SCAF8: variants seen among roughly 807,000 people sequenced by gnomAD.
SCAF8 encodes the protein SR-related CTD associated factor 8.
A neutral mutation model predicts 140.5 loss-of-function variants in SCAF8; 23 were observed. That is an observed-to-expected ratio of 0.16 (90% CI 0.12 to 0.23). The LOEUF (loss-of-function observed/expected upper bound fraction) is 0.23. Ranked by LOEUF, SCAF8 falls within the 10% of genes least tolerant of loss-of-function variation. SCAF8 has a pLI of 1.00. For synonymous variants in SCAF8, 575 were observed against 528.9 expected (o/e 1.09, Z -1.20); for missense variants, 1,397 against 1,555.7 (o/e 0.90, Z 1.72).
rs117596606 is a variant in SCAF8, at chr6:154,825,852, G to A, written c.2072-1320G>A. Among the ~76,000 whole-genome samples, 329 of 151,978 alleles carry A rather than the reference G, an allele frequency of 2.2e-3. 2 individuals are homozygous for A. The highest frequency in any genetic ancestry group is 4.0e-3 in the Non-Finnish European group (269 of 67,970). On this transcript the variant is annotated intron_variant, in intron 17 of 19. Transcript: ENST00000367178. ...TTAAACTATATAAGCAATTATATACGCATATTGATGAGATACGCATTTAAG... is the reference window on the plus strand; with the variant it reads ...TTAAACTATATAAGCAATTATATACACATATTGATGAGATACGCATTTAAG...
At chr6:154,737,983 G>A (rs1297291144) in intron 1 of SCAF8, among the ~76,000 whole-genome samples, 1 of 152,070 alleles carries the variant, frequency 6.6e-6, no homozygotes, top group African/African-American at 2.4e-5. Flanking sequence ...TTAATTTTGT[G>A]GAGATCATTG....
chr6:154,733,657 C>T lies in SCAF8; in HGVS notation c.-244C>T. The T allele has an allele frequency of 7.8e-7, 1 of 1,277,696 alleles. No homozygotes were observed. The highest frequency in any genetic ancestry group is 9.9e-7 in the Non-Finnish European group (1 of 1,014,892). 79.1% of individuals were successfully genotyped at this position (1,277,696 alleles called of 1,614,324 possible). A position where few individuals can be genotyped will look rare whatever the true frequency, so the allele number is the denominator to read the frequency against. ...GCCCGCCGCCGACCCGCCCCGGCAGCGCCTCTGTTCCCTAGAACGGCGCTC... is the reference window on the plus strand; with the variant it reads ...GCCCGCCGCCGACCCGCCCCGGCAGTGCCTCTGTTCCCTAGAACGGCGCTC... On this transcript the variant is annotated 5_prime_UTR_variant, in exon 1 of 20. Transcript: ENST00000367178.
At chr6:154,740,141 TA>T (rs1778530234) in intron 1 of SCAF8, among the ~76,000 whole-genome samples, 1 of 152,150 alleles carries the variant, frequency 6.6e-6, no homozygotes, top group South Asian at 2.1e-4. Flanking sequence ...GCATATTAAT[TA>T]GTATTATAAA....
intron 1 of SCAF8, chr6:154,742,034 C>G (rs1244706700): frequency 6.6e-7 from 1 of 1,516,146 alleles, no homozygotes; most frequent in Non-Finnish European, 8.9e-7. Flanking sequence ...ATGATGATAA[C>G]CCACATAAGG....
At chr6:154,740,306 A>T (rs1255221600) in intron 1 of SCAF8, among the ~76,000 whole-genome samples, 2 of 152,192 alleles carry the variant, frequency 1.3e-5, no homozygotes, top group Non-Finnish European at 2.9e-5. Context: ...GCCTCTATGC[A>T]TTAGATGCCA....
chr6:154,827,113 T>C, intron 17 of SCAF8, 59 bp from the exon 18 acceptor site: 1 of 1,357,660 alleles, frequency 7.4e-7, no homozygotes, highest in Non-Finnish European at 1.0e-6. Flanking sequence ...GTTGGAATCT[T>C]TGATTTAAAA....
intron 12 of SCAF8, among the ~76,000 whole-genome samples, chr6:154,814,585 G>A (rs1447688453): frequency 6.6e-6 from 1 of 152,042 alleles, no homozygotes; most frequent in Non-Finnish European, 1.5e-5. Context: ...CTTCATGTGG[G>A]GCTAAATTAG....
intron 1 of SCAF8, among the ~76,000 whole-genome samples, chr6:154,755,757 A>G (rs1252253711): frequency 6.6e-6 from 1 of 152,208 alleles, no homozygotes; most frequent in Non-Finnish European, 1.5e-5. Flanking sequence ...GATTTACTGT[A>G]TGCAAAGCTG....
chr6:154,805,200 A>G (rs907879058), intron 8 of SCAF8, among the ~76,000 whole-genome samples, 169 bp from the exon 9 acceptor site: 3 of 89,848 alleles, frequency 3.3e-5, no homozygotes, highest in Non-Finnish European at 5.6e-5. Context: ...TTTTCTTTTA[A>G]TAATTAATGT....
chr6:154,747,476 A>G (rs1028991501), intron 1 of SCAF8, among the ~76,000 whole-genome samples: 12 of 151,966 alleles, frequency 7.9e-5, no homozygotes, highest in African/African-American at 2.9e-4. Flanking sequence ...GTGCCACTTT[A>G]CTCCAGCCTG....
rs142458063 is a variant in SCAF8 at position 154,798,166 on chromosome 6, T to C, written c.606+3027T>C. Among the ~76,000 whole-genome samples the C allele has an allele frequency of 5.1e-4, 77 of 151,532 alleles. 1 individual carries two copies. In the East Asian group the frequency reaches 0.012, roughly 23 times the overall value. ...CCTAAAGTTTAATAATCAAGATTAA[T>C]TGCAATACATAAATGTAATTAAATT... On this transcript the variant is annotated intron_variant, in intron 6 of 19. Transcript: ENST00000367178.
chr6:154,749,521 T>G (rs188717537), intron 1 of SCAF8, among the ~76,000 whole-genome samples: 6 of 152,084 alleles, frequency 3.9e-5, no homozygotes, highest in African/African-American at 1.2e-4. Flanking sequence ...GGGAATATGA[T>G]GAAAAGTAAT....
At chr6:154,814,661 T>C (rs2114660686) in intron 12 of SCAF8, among the ~76,000 whole-genome samples, 1 of 152,290 alleles carries the variant, frequency 6.6e-6, no homozygotes, top group South Asian at 2.1e-4. Flanking sequence ...AATGTGGACA[T>C]TGACATAAAT....
chr6:154,734,993 A>G (rs12195275), intron 1 of SCAF8, among the ~76,000 whole-genome samples: 7,336 of 152,082 alleles, frequency 0.048, 238 homozygotes, highest in Non-Finnish European at 0.075. Context: ...GCGTAGTGGC[A>G]GGCACCTGTA....
Position 154,833,480 on chromosome 6 carries a change from A to C in SCAF8, c.*85A>C, listed in dbSNP as rs553749095. ...ATGGCTGACTGGACCATAGTTGTTC[A>C]CTTTTGTCTGCCAGAATTAAGTTAA... On this transcript the variant is annotated 3_prime_UTR_variant, in exon 20 of 20. Coordinates refer to ENST00000367178, the MANE Select transcript of SCAF8 (RefSeq NM_014892.5). The C allele has an allele frequency of 3.0e-6, 4 of 1,313,750 alleles. No individual in the cohort carries two copies. Among genetic ancestry groups the C allele is most frequent in the Non-Finnish European group, 4.2e-6 (4 of 954,312 alleles). The allele number at this position is 1,313,750 out of a possible 1,614,324, so 81.4% of individuals were successfully genotyped here.
chr6:154,796,356 T>C (rs7744525), intron 6 of SCAF8, among the ~76,000 whole-genome samples: 25,388 of 75,382 alleles, frequency 0.34, 2,374 homozygotes, highest in East Asian at 0.54. Flanking sequence ...AATCCTGTTC[T>C]CTCTCTCTCT....
intron 9 of SCAF8, among the ~76,000 whole-genome samples, chr6:154,806,002 G>A (rs1373276536): frequency 6.6e-6 from 1 of 152,120 alleles, no homozygotes; most frequent in Non-Finnish European, 1.5e-5. Flanking sequence ...CAGGCGATGG[G>A]CATTATGACT....
chr6:154,793,106 T>G (rs572069505), intron 5 of SCAF8, 130 bp downstream of exon 5: 1 of 540,780 alleles, frequency 1.8e-6, no homozygotes, highest in African/African-American at 2.0e-5. Flanking sequence ...AGAAAATATT[T>G]GTAGAGAAAA....
At chr6:154,750,656 G>T (rs904018590) in intron 1 of SCAF8, among the ~76,000 whole-genome samples, 6 of 152,104 alleles carry the variant, frequency 3.9e-5, no homozygotes, top group Non-Finnish European at 8.8e-5. Context: ...GATTTTATTA[G>T]AATTTCTTAT....
Sources: gnomAD v4.1 joint callset for allele counts (sites outside exome capture counted in the v4.1 genomes callset) on GRCh38, gnomAD v4.1.1 for gene constraint, MANE v1.5 for transcripts, NCBI Gene and HGNC (gene_info 2026-07-23, HGNC 2026-07-21) for gene names.